Variants in GLIS3 observed in about 807,000 individuals in gnomAD.
GLIS3 encodes the protein GLIS family zinc finger 3.
A neutral mutation model predicts 78.6 loss-of-function variants in GLIS3; 53 were observed. The observed-to-expected ratio is 0.67, with a 90% CI of 0.54 to 0.85. The LOEUF (loss-of-function observed/expected upper bound fraction) is 0.85, where lower values mean the gene tolerates loss of function less well. Ranked by LOEUF, GLIS3 falls within the 40% of genes least tolerant of loss-of-function variation. GLIS3 has a pLI of 0.00. For missense variants in GLIS3, 1,703 were observed against 1,231.1 expected (o/e 1.38, Z -5.74); for synonymous variants, 684 against 509.9 (o/e 1.34, Z -4.60).
chr9:4,361,368 ACTTCTC>A, the GLIS3 span, among the ~76,000 whole-genome samples: 275 of 152,208 alleles, frequency 1.8e-3, no homozygotes, highest in African/African-American at 6.4e-3. Flanking sequence ...TTAAAGTTAA[ACTTCTC>A]CTTCTCCTTC....
the GLIS3 span, among the ~76,000 whole-genome samples, chr9:4,449,481 T>G: frequency 2.3e-3 from 357 of 152,274 alleles, 5 homozygotes; most frequent in East Asian, 1.9e-3. Flanking sequence ...TCTACCAGCA[T>G]GGTGTTCAAG....
chr9:4,157,896 A>G (rs765669970), intron 2 of GLIS3, among the ~76,000 whole-genome samples: 1 of 152,332 alleles, frequency 6.6e-6, no homozygotes, highest in Non-Finnish European at 1.5e-5. Flanking sequence ...GCTTCATTAA[A>G]TATCAATAAA....
chr9:4,392,293 G>C, the GLIS3 span, among the ~76,000 whole-genome samples: 3 of 152,156 alleles, frequency 2.0e-5, no homozygotes, highest in Non-Finnish European at 2.9e-5. Flanking sequence ...AATGCATGCT[G>C]TGCTTAATAT....
At chr9:4,200,953 C>G (rs1036040777) in intron 2 of GLIS3, among the ~76,000 whole-genome samples, 1 of 152,090 alleles carries the variant, frequency 6.6e-6, no homozygotes, top group Non-Finnish European at 1.5e-5. Flanking sequence ...ATCTAGCAAA[C>G]CAAATTCAGC....
chr9:4,239,435 G>T (rs759221727), intron 2 of GLIS3, among the ~76,000 whole-genome samples: 1 of 151,536 alleles, frequency 6.6e-6, no homozygotes, highest in African/African-American at 2.4e-5. Flanking sequence ...TCCAATGAAC[G>T]AACCTAGATT....
chr9:4,285,645 C>T (rs941073792), intron 2 of GLIS3: 15 of 196,172 alleles, frequency 7.6e-5, no homozygotes, highest in African/African-American at 3.4e-4. Flanking sequence ...AGGACAGTTC[C>T]AGTCGGTCTT....
chr9:3,945,469 T>C (rs1016777660), intron 4 of GLIS3, among the ~76,000 whole-genome samples: 8 of 152,188 alleles, frequency 5.3e-5, no homozygotes, highest in African/African-American at 1.9e-4. Flanking sequence ...GCTCTGCAGA[T>C]GATGCAAAAG....
intron 2 of GLIS3, among the ~76,000 whole-genome samples, chr9:4,315,884 T>C (rs1817430513): frequency 6.6e-6 from 1 of 152,072 alleles, no homozygotes; most frequent in Non-Finnish European, 1.5e-5. Flanking sequence ...AATGCAGGCC[T>C]CTTAGAGCAG....
chr9:4,315,143 T>C (rs968242141), intron 2 of GLIS3, among the ~76,000 whole-genome samples: 3 of 152,236 alleles, frequency 2.0e-5, no homozygotes, highest in Non-Finnish European at 4.4e-5. Context: ...GAGTCTAATT[T>C]TGGATCTCAG....
chr9:4,088,073 G>C (rs1015238916), intron 4 of GLIS3, among the ~76,000 whole-genome samples: 8 of 152,210 alleles, frequency 5.3e-5, no homozygotes, highest in African/African-American at 1.9e-4. Context: ...TGTGAGGATA[G>C]CCATGGCAGA....
intron 7 of GLIS3, among the ~76,000 whole-genome samples, chr9:3,889,524 T>TA (rs1398807575): frequency 6.6e-6 from 1 of 152,208 alleles, no homozygotes; most frequent in Non-Finnish European, 1.5e-5. Flanking sequence ...AATAAAATGA[T>TA]AAAATCTGCA....
At chr9:4,242,588 G>A (rs1380534147) in intron 2 of GLIS3, among the ~76,000 whole-genome samples, 3 of 152,202 alleles carry the variant, frequency 2.0e-5, no homozygotes, top group Middle Eastern at 3.4e-3. Context: ...ATACCCAGTG[G>A]GTTCTAAGAT....
intron 2 of GLIS3, among the ~76,000 whole-genome samples, chr9:4,230,014 G>A (rs1447323926): frequency 6.6e-6 from 1 of 152,168 alleles, no homozygotes; most frequent in African/African-American, 2.4e-5. Context: ...AAGAGAAGGA[G>A]GAAAGGACAG....
chr9:4,469,416 C>G, the GLIS3 span, among the ~76,000 whole-genome samples: 12 of 152,212 alleles, frequency 7.9e-5, no homozygotes, highest in African/African-American at 2.6e-4. Flanking sequence ...TGTAAAAGAA[C>G]AGAAATTATA....
Position 4,234,860 on chromosome 9 carries a change from C to T in GLIS3, c.388+51178G>A, listed in dbSNP as rs553193351. On this transcript the variant is annotated intron_variant, in intron 2 of 10. Transcript: ENST00000381971. ...TATTTCAGAAAATAGGTTTATCTGA[C>T]TATGGACCTCTTAGTCCAAGCTCTT... Among the ~76,000 whole-genome samples the T allele has an allele frequency of 3.5e-4, 53 of 152,336 alleles. No homozygotes were observed. The South Asian group carries it at 3.7e-3, about 11-fold the overall frequency.
At chr9:4,251,260 T>C (rs1385902557) in intron 2 of GLIS3, among the ~76,000 whole-genome samples, 3 of 152,224 alleles carry the variant, frequency 2.0e-5, no homozygotes, top group African/African-American at 7.2e-5. Flanking sequence ...TGTAGGTCTC[T>C]AAGAGCTTGC....
At chr9:4,406,246 A>G in the GLIS3 span, among the ~76,000 whole-genome samples, 2 of 152,244 alleles carry the variant, frequency 1.3e-5, no homozygotes, top group Non-Finnish European at 2.9e-5. Flanking sequence ...AGAGAAAGAA[A>G]AAAAAGGGCA....
At chr9:4,421,191 T>C in the GLIS3 span, among the ~76,000 whole-genome samples, 1 of 152,226 alleles carries the variant, frequency 6.6e-6, no homozygotes, top group South Asian at 2.1e-4. Context: ...CATGAAAGGC[T>C]GAAATAATCT....
intron 7 of GLIS3, among the ~76,000 whole-genome samples, chr9:3,888,580 G>C (rs7036216): frequency 0.041 from 6,229 of 152,258 alleles, 451 homozygotes; most frequent in African/African-American, 0.14. Flanking sequence ...GGAGAATTAC[G>C]CTATAGCGAG....
Sources: gnomAD v4.1 joint callset for allele counts (sites outside exome capture counted in the v4.1 genomes callset) on GRCh38, gnomAD v4.1.1 for gene constraint, MANE v1.5 for transcripts, NCBI Gene and HGNC (gene_info 2026-07-23, HGNC 2026-07-21) for gene names.